The following DNAH3 variants were observed in gnomAD, a reference collection of about 807,000 sequenced individuals.
DNAH3 encodes the protein dynein axonemal heavy chain 3.
DNAH3 carries 332 observed loss-of-function variants against 432.5 expected under a neutral mutation model. That is an observed-to-expected ratio of 0.77 (90% CI 0.70 to 0.84). The LOEUF is 0.84. Ranked by LOEUF, DNAH3 falls within the 40% of genes least tolerant of loss-of-function variation. DNAH3 has a pLI of 0.00. For synonymous variants in DNAH3, 1,956 were observed against 1,900.2 expected (o/e 1.03, Z -0.76); for missense variants, 4,861 against 5,114.0 (o/e 0.95, Z 1.51).
intron 55 of DNAH3, among the ~76,000 whole-genome samples, chr16:20,953,559 T>TG (rs1357911739): frequency 2.6e-5 from 4 of 150,986 alleles, no homozygotes; most frequent in Non-Finnish European, 4.4e-5. Flanking sequence ...GGCAGTTAGT[T>TG]GCAAGCCAAA....
intron 60 of DNAH3, among the ~76,000 whole-genome samples, chr16:20,936,164 T>G (rs2083581710): frequency 1.4e-5 from 2 of 138,028 alleles, no homozygotes; most frequent in South Asian, 4.6e-4. Flanking sequence ...GACATTTTTT[T>G]TCTTTTTAGA....
intron 21 of DNAH3, 146 bp from the exon 22 acceptor site, chr16:21,070,972 A>C: frequency 1.8e-6 from 1 of 550,566 alleles, no homozygotes; most frequent in Non-Finnish European, 3.3e-6. Flanking sequence ...GCAGCCTCAA[A>C]CTCCTGGGCT....
At chr16:21,154,349 A>C (rs957948209) in intron 1 of DNAH3, among the ~76,000 whole-genome samples, 1 of 152,134 alleles carries the variant, frequency 6.6e-6, no homozygotes, top group Non-Finnish European at 1.5e-5. Flanking sequence ...AGGTTGCAGT[A>C]AGCTGAGATC....
chr16:20,992,881 G>A (rs1682769937), intron 44 of DNAH3, among the ~76,000 whole-genome samples: 1 of 151,670 alleles, frequency 6.6e-6, no homozygotes, highest in Admixed American at 6.6e-5. Flanking sequence ...TGATTCATTC[G>A]TTGAGACAGA....
chr16:21,004,752 C>A (rs1231699070), intron 41 of DNAH3, among the ~76,000 whole-genome samples: 1 of 151,904 alleles, frequency 6.6e-6, no homozygotes, highest in African/African-American at 2.4e-5. Context: ...CTCCCCTTCC[C>A]TTCCCCTCTT....
chr16:21,105,179 T>C (rs1385795555), intron 15 of DNAH3, among the ~76,000 whole-genome samples: 10 of 152,096 alleles, frequency 6.6e-5, no homozygotes, highest in Non-Finnish European at 4.4e-5. Flanking sequence ...CTCGTGAACA[T>C]GCAGGTGGAT....
At chr16:21,126,575 A>G (rs193076386) in intron 8 of DNAH3, among the ~76,000 whole-genome samples, 1 of 152,204 alleles carries the variant, frequency 6.6e-6, no homozygotes, top group Non-Finnish European at 1.5e-5. Context: ...TATCTGGACT[A>G]TCTGAATATA....
At chr16:20,988,201 T>G in intron 44 of DNAH3, 136 bp from the exon 45 acceptor site, 1 of 962,244 alleles carries the variant, frequency 1.0e-6, no homozygotes, top group Non-Finnish European at 1.5e-6. Flanking sequence ...TATGGCAACC[T>G]CTAGCCACCT....
At chr16:21,003,469 A>G (rs2087129189) in intron 41 of DNAH3, among the ~76,000 whole-genome samples, 1 of 152,240 alleles carries the variant, frequency 6.6e-6, no homozygotes, top group Non-Finnish European at 1.5e-5. Flanking sequence ...TAATGTAAAC[A>G]GCAAGTATTA....
At chr16:21,037,967 T>A (rs754067353) in exon 34 of DNAH3, 5 of 1,613,854 alleles carry the variant, frequency 3.1e-6, no homozygotes, top group Non-Finnish European at 4.2e-6. Context: ...GTCGCAACGA[T>A]CTTCTGGGCG....
exon 48 of DNAH3, chr16:20,985,281 G>A (rs747606658): frequency 2.9e-5 from 47 of 1,614,006 alleles, no homozygotes; most frequent in African/African-American, 9.3e-5. Flanking sequence ...AGAGGAACAC[G>A]GTGCTCTTGG....
chr16:20,936,309 T>G (rs2083587628), intron 60 of DNAH3, among the ~76,000 whole-genome samples: 1 of 152,100 alleles, frequency 6.6e-6, no homozygotes, highest in Non-Finnish European at 1.5e-5. Context: ...TAAGCCACTA[T>G]GCCCTGCTGA....
chr16:20,935,244 C>A, intron 61 of DNAH3, 104 bp downstream of exon 61: 4 of 1,357,016 alleles, frequency 2.9e-6, no homozygotes, highest in Non-Finnish European at 2.1e-6. Flanking sequence ...ATTTCAGAAG[C>A]ATTTGGGTCT....
At chr16:20,957,665 A>T (rs2152604747) in intron 54 of DNAH3, among the ~76,000 whole-genome samples, 1 of 152,046 alleles carries the variant, frequency 6.6e-6, no homozygotes, top group South Asian at 2.1e-4. Context: ...ATTCAAAATT[A>T]GCCATGCATG....
intron 21 of DNAH3, among the ~76,000 whole-genome samples, chr16:21,073,475 C>A (rs1471530436): frequency 6.6e-6 from 1 of 152,122 alleles, no homozygotes; most frequent in Non-Finnish European, 1.5e-5. Flanking sequence ...AGTAATGAGG[C>A]CCTGTGCCCT....
intron 7 of DNAH3, among the ~76,000 whole-genome samples, chr16:21,130,765 C>T (rs568679733): frequency 2.0e-5 from 3 of 152,226 alleles, no homozygotes; most frequent in Non-Finnish European, 4.4e-5. Flanking sequence ...AACAATTTGC[C>T]GTCTTTGCTA....
exon 53 of DNAH3, chr16:20,963,523 C>A (rs981243378): frequency 3.7e-6 from 6 of 1,613,956 alleles, no homozygotes; most frequent in Non-Finnish European, 5.1e-6. Context: ...CTCATGGGGC[C>A]AGGCCGAGTC....
chr16:21,012,412 AC>A (rs1397311608), intron 41 of DNAH3, among the ~76,000 whole-genome samples: 4 of 152,188 alleles, frequency 2.6e-5, no homozygotes, highest in African/African-American at 9.7e-5. Flanking sequence ...ATATAATTCA[AC>A]CTCACTTCTA....
intron 19 of DNAH3, among the ~76,000 whole-genome samples, chr16:21,082,399 G>A (rs970618113): frequency 2.0e-5 from 3 of 152,036 alleles, no homozygotes; most frequent in African/African-American, 4.8e-5. Context: ...ATGGGGTCTC[G>A]CTATGTTTTC....
Sources: allele counts gnomAD v4.1 joint callset (sites outside exome capture counted in the v4.1 genomes callset), GRCh38; gene constraint gnomAD v4.1.1; transcripts MANE v1.5; gene names NCBI Gene and HGNC (gene_info 2026-07-23, HGNC 2026-07-21).